Variants in GLIS3 observed in about 807,000 individuals in gnomAD.
GLIS3 encodes zinc finger protein GLIS3.
Under a neutral mutation model 78.6 loss-of-function variants are expected in GLIS3, and 53 were observed. That is an observed-to-expected ratio of 0.67 (90% CI 0.54 to 0.85). GLIS3 has a LOEUF of 0.85. Among genes scored for constraint, GLIS3 ranks in the 40% least tolerant of loss-of-function variants. The pLI, the probability that GLIS3 is intolerant of heterozygous loss-of-function variation, is 0.00. For missense variants in GLIS3, 1,703 were observed against 1,231.1 expected (o/e 1.38, Z -5.74); for synonymous variants, 684 against 509.9 (o/e 1.34, Z -4.60).
chr9:4,305,599 T>C (rs964295163), intron 4 of GLIS3: 7 of 152,208 alleles, frequency 4.6e-5, no homozygotes, highest in Non-Finnish European at 8.8e-5. Flanking sequence ...GTGCAAGACA[T>C]TCCCCTGGCC....
intron 2 of GLIS3, among the ~76,000 whole-genome samples, chr9:4,249,609 T>C (rs1824159286): frequency 6.6e-6 from 1 of 152,226 alleles, no homozygotes; most frequent in Non-Finnish European, 1.5e-5. Flanking sequence ...ACACTCTTTC[T>C]TTCTTTCTCT....
the GLIS3 span, among the ~76,000 whole-genome samples, chr9:4,487,223 C>G: frequency 6.6e-6 from 1 of 151,948 alleles, no homozygotes; most frequent in African/African-American, 2.4e-5. Flanking sequence ...CAAGAGTTCT[C>G]GTGGGTCTGA....
chr9:4,162,836 GAC>G (rs1326364143), intron 2 of GLIS3, among the ~76,000 whole-genome samples: 1 of 135,704 alleles, frequency 7.4e-6, no homozygotes, highest in African/African-American at 2.8e-5. Flanking sequence ...CAGCCCGGGC[GAC>G]AGAGTCTCGC....
intron 4 of GLIS3, among the ~76,000 whole-genome samples, chr9:4,087,844 C>T (rs1256116420): frequency 1.3e-5 from 2 of 152,324 alleles, no homozygotes; most frequent in South Asian, 4.1e-4. Flanking sequence ...CCACTCACAG[C>T]CACAAGGAAT....
upstream of GLIS3, among the ~76,000 whole-genome samples, chr9:4,349,853 G>A (rs1817941771): frequency 6.6e-6 from 1 of 152,216 alleles, no homozygotes; most frequent in Non-Finnish European, 1.5e-5. Context: ...GTCCTGAATT[G>A]GTCATTAGCC....
At chr9:4,261,368 G>C (rs1825509707) in intron 2 of GLIS3, among the ~76,000 whole-genome samples, 1 of 152,090 alleles carries the variant, frequency 6.6e-6, no homozygotes, top group Non-Finnish European at 1.5e-5. Flanking sequence ...TGGAAGAGGA[G>C]GGAAGAAAGG....
intron 2 of GLIS3, among the ~76,000 whole-genome samples, chr9:4,277,304 C>T (rs969284595): frequency 1.3e-5 from 2 of 152,182 alleles, no homozygotes; most frequent in Non-Finnish European, 2.9e-5. Flanking sequence ...TGGAGAAAAA[C>T]ACACAGCTAG....
intron 4 of GLIS3, among the ~76,000 whole-genome samples, chr9:4,019,680 G>T (rs930000344): frequency 2.0e-5 from 3 of 152,134 alleles, no homozygotes; most frequent in Non-Finnish European, 4.4e-5. Context: ...GGGTAAGGGA[G>T]ATCGACAATG....
rs138366526 is a variant in GLIS3 at position 3,838,186 on chromosome 9, G to T, written c.2474-8694C>A. Reference sequence around the variant, plus strand: ...CAGTTTGTTAATTATTGTATCCATAGCACTAAGACTAGTACCTGGCATGTA... The same window carrying T: ...CAGTTTGTTAATTATTGTATCCATATCACTAAGACTAGTACCTGGCATGTA... On this transcript the variant is annotated intron_variant, in intron 9 of 10. Transcript: ENST00000381971. 1.6e-4 allele frequency among the ~76,000 whole-genome samples: 24 copies of T among 152,286 alleles called. No homozygotes were observed. The East Asian group carries it at 4.4e-3, about 28-fold the overall frequency.
At chr9:4,122,558 G>C (rs1442498334) in intron 3 of GLIS3, among the ~76,000 whole-genome samples, 1 of 152,128 alleles carries the variant, frequency 6.6e-6, no homozygotes, top group Non-Finnish European at 1.5e-5. Context: ...ATGACATTCG[G>C]TGATGGCTGA....
chr9:4,019,244 C>T (rs1014374326), intron 4 of GLIS3, among the ~76,000 whole-genome samples: 2 of 152,174 alleles, frequency 1.3e-5, no homozygotes, highest in Non-Finnish European at 2.9e-5. Context: ...ATCTTTGTGA[C>T]TCCTTTGTCC....
At chr9:4,447,852 G>A in the GLIS3 span, among the ~76,000 whole-genome samples, 1 of 152,116 alleles carries the variant, frequency 6.6e-6, no homozygotes, top group Non-Finnish European at 1.5e-5. Flanking sequence ...CCATGTTCTG[G>A]TCATTCTTTT....
At chr9:4,004,506 T>C (rs755871551) in intron 4 of GLIS3, among the ~76,000 whole-genome samples, 1 of 152,188 alleles carries the variant, frequency 6.6e-6, no homozygotes, top group African/African-American at 2.4e-5. Flanking sequence ...TCCAGCCAGA[T>C]ACTGTTGTGT....
At chr9:4,317,726 C>T (rs992895621) in intron 2 of GLIS3, among the ~76,000 whole-genome samples, 1 of 152,160 alleles carries the variant, frequency 6.6e-6, no homozygotes, top group African/African-American at 2.4e-5. Context: ...AGGCATTATT[C>T]AAGTTCCTAC....
At chr9:4,402,777 A>G in the GLIS3 span, among the ~76,000 whole-genome samples, 2,575 of 152,230 alleles carry the variant, frequency 0.017, 72 homozygotes, top group African/African-American at 0.058. Context: ...AACACACAGA[A>G]GGGGAAAGAA....
At chr9:4,174,867 T>A (rs1816682577) in intron 2 of GLIS3, among the ~76,000 whole-genome samples, 1 of 152,192 alleles carries the variant, frequency 6.6e-6, no homozygotes, top group Non-Finnish European at 1.5e-5. Flanking sequence ...CTGGTTTAAT[T>A]TTAGTTTATT....
chr9:4,065,917 A>T (rs1208313379), intron 4 of GLIS3, among the ~76,000 whole-genome samples: 1 of 152,286 alleles, frequency 6.6e-6, no homozygotes, highest in South Asian at 2.1e-4. Flanking sequence ...GATTAAAACA[A>T]GGATAGGAAA....
intron 4 of GLIS3, among the ~76,000 whole-genome samples, chr9:4,088,748 G>C (rs1230536865): frequency 6.6e-6 from 1 of 152,214 alleles, no homozygotes; most frequent in Non-Finnish European, 1.5e-5. Context: ...GTAAATTTTA[G>C]TGCCTTTTAC....
intron 4 of GLIS3, among the ~76,000 whole-genome samples, chr9:4,307,956 A>G (rs922348052): frequency 1.2e-4 from 19 of 152,162 alleles, no homozygotes; most frequent in Admixed American, 1.0e-3. Flanking sequence ...ATTTAGGGTA[A>G]CTTGTGACAG....
Sources: gnomAD v4.1 joint callset for allele counts (sites outside exome capture counted in the v4.1 genomes callset) on GRCh38, gnomAD v4.1.1 for gene constraint, MANE v1.5 for transcripts, NCBI Gene and HGNC (gene_info 2026-07-23, HGNC 2026-07-21) for gene names.